PTPRQ: variants seen among roughly 807,000 people sequenced by gnomAD.
PTPRQ encodes the protein phosphatidylinositol phosphatase PTPRQ.
PTPRQ carries 199 observed loss-of-function variants against 246.0 expected under a neutral mutation model. That is an observed-to-expected ratio of 0.81 (90% CI 0.72 to 0.91). PTPRQ has a LOEUF of 0.91. Ranked by LOEUF, PTPRQ falls within the 40% of genes least tolerant of loss-of-function variation. The pLI is 0.00. For synonymous variants in PTPRQ, 869 were observed against 853.2 expected (o/e 1.02, Z -0.32); for missense variants, 2,624 against 2,528.4 (o/e 1.04, Z -0.81).
intron 23 of PTPRQ, among the ~76,000 whole-genome samples, chr12:80,544,486 T>C (rs1896246656): frequency 6.6e-6 from 1 of 152,170 alleles, no homozygotes; most frequent in African/African-American, 2.4e-5. Context: ...AAAAATACCA[T>C]CTTTATACCA....
chr12:80,588,018 G>A (rs1311204741), intron 25 of PTPRQ, 111 bp from the exon 26 acceptor site: 1 of 1,129,950 alleles, frequency 8.8e-7, no homozygotes, highest in Non-Finnish European at 1.2e-6. Flanking sequence ...AAGAGCTATA[G>A]TAATTTGACA....
chr12:80,468,537 A>C lies in PTPRQ; in HGVS notation c.911-173A>C, dbSNP rs190135327. ...TTTATCTGATGATCCAGCATGTGTTATTCACAATTTTCAATTATATTCCAT... is the reference window on the plus strand; with the variant it reads ...TTTATCTGATGATCCAGCATGTGTTCTTCACAATTTTCAATTATATTCCAT... On this transcript the variant is annotated intron_variant, in intron 6 of 44. Coordinates refer to ENST00000644991, the MANE Select transcript of PTPRQ (RefSeq NM_001145026.2). Among the ~76,000 whole-genome samples the C allele has an allele frequency of 3.2e-4, 49 of 152,332 alleles. No individual in the cohort carries two copies. In the East Asian group the frequency reaches 8.5e-3, roughly 26 times the overall value.
chr12:80,545,513 T>A (rs1020978547), intron 23 of PTPRQ, among the ~76,000 whole-genome samples: 1 of 152,030 alleles, frequency 6.6e-6, no homozygotes, highest in African/African-American at 2.4e-5. Flanking sequence ...TCCATGAGGA[T>A]AGCTGATTAA....
At chr12:80,668,026 C>T (rs1411736547) in intron 39 of PTPRQ, among the ~76,000 whole-genome samples, 1 of 151,856 alleles carries the variant, frequency 6.6e-6, no homozygotes, top group East Asian at 1.9e-4. Flanking sequence ...TTTAGAGTCC[C>T]TGGAAAATTT....
At position 80,613,813 on chromosome 12, in the gene PTPRQ, G is replaced by C. The variant is rs912447974; in HGVS notation, c.5140G>C (p.Gly1714Arg). 6.5e-7 allele frequency: 1 copy of C among 1,537,956 alleles called. No homozygotes were observed. The highest frequency in any genetic ancestry group is 1.4e-5 in the African/African-American group (1 of 72,140). The change falls in exon 29 of 45, where the codon GGT (glycine) becomes CGT (arginine). Residue 1714 changes from glycine to arginine, a missense_variant. Coordinates refer to ENST00000644991, the MANE Select transcript of PTPRQ (RefSeq NM_001145026.2). ...CATTGCAATGCTAGAAGGACTAAAA[G>C]GTGGACATACATACAATATCAGTGT... ...FVIAMLEGLK[G>R]GHTYNISVYA...
chr12:80,654,763 G>A (rs140875886), intron 38 of PTPRQ, among the ~76,000 whole-genome samples: 1,709 of 151,914 alleles, frequency 0.011, 29 homozygotes, highest in African/African-American at 0.039. Context: ...GAGAGGCTGA[G>A]GCAGGAGACT....
At chr12:80,610,774 A>T in intron 28 of PTPRQ, 149 bp downstream of exon 28, 1 of 907,686 alleles carries the variant, frequency 1.1e-6, no homozygotes, top group South Asian at 2.3e-5. Context: ...TGCAACTGAC[A>T]AAAAGGAAGA....
intron 32 of PTPRQ, among the ~76,000 whole-genome samples, chr12:80,621,197 C>G (rs1050352064): frequency 6.6e-6 from 1 of 151,816 alleles, no homozygotes; most frequent in African/African-American, 2.4e-5. Context: ...TTTATCATCT[C>G]TATTAAATGC....
chr12:80,532,517 G>A (rs1009961814), intron 17 of PTPRQ, among the ~76,000 whole-genome samples: 3 of 152,082 alleles, frequency 2.0e-5, no homozygotes, highest in Middle Eastern at 3.2e-3. Context: ...CACCACACTC[G>A]TCTTAATTGC....
At chr12:80,611,426 A>G (rs1460664299) in intron 28 of PTPRQ, among the ~76,000 whole-genome samples, 1 of 150,264 alleles carries the variant, frequency 6.7e-6, no homozygotes, top group Non-Finnish European at 1.5e-5. Context: ...TTCTCTATGC[A>G]TTTTGTCTGT....
chr12:80,553,726 AG>A (rs1191477010), intron 25 of PTPRQ, among the ~76,000 whole-genome samples: 2 of 152,188 alleles, frequency 1.3e-5, no homozygotes, highest in African/African-American at 4.8e-5. Flanking sequence ...ATGTTGGAAC[AG>A]GGCAGTAAAG....
intron 5 of PTPRQ, 139 bp downstream of exon 5, chr12:80,459,622 C>T (rs144040680): frequency 4.6e-5 from 18 of 394,034 alleles, no homozygotes; most frequent in Middle Eastern, 1.3e-3. Context: ...TTATACACAA[C>T]GTTTTATTAT....
rs551968579 is a variant in PTPRQ, at chr12:80,495,211, T to C, written c.1722T>C (p.Ile574=). Residue 574 remains isoleucine (I), a synonymous_variant, in exon 12 of 45, where the codon ATT becomes ATC. Coordinates refer to ENST00000644991, the MANE Select transcript of PTPRQ (RefSeq NM_001145026.2). ...TTTAAGTGCCAAGCTCCATTAAAAT[T>C]ATAAACTATAAAAATATTAGTTCTT... is the stretch of plus-strand genomic sequence containing the variant. ...TRQQVPSSIK[I]INYKNISSSS... 1.5e-5 allele frequency: 23 copies of C among 1,539,734 alleles called. No individual in the cohort carries two copies. The highest frequency in any genetic ancestry group is 1.8e-5 in the Non-Finnish European group (21 of 1,143,202).
At chr12:80,612,404 C>CA (rs1282763636) in intron 28 of PTPRQ, among the ~76,000 whole-genome samples, 3 of 150,164 alleles carry the variant, frequency 2.0e-5, no homozygotes, top group Admixed American at 1.3e-4. Flanking sequence ...AACAAACAAA[C>CA]AAAAAATGAC....
chr12:80,452,345 G>A (rs1357991518), intron 3 of PTPRQ, among the ~76,000 whole-genome samples: 1 of 151,780 alleles, frequency 6.6e-6, no homozygotes, highest in African/African-American at 2.4e-5. Flanking sequence ...CTTTTAATTG[G>A]AGCATTTAGT....
At chr12:80,495,441 C>T in intron 12 of PTPRQ, 70 bp downstream of exon 12, 2 of 1,456,724 alleles carry the variant, frequency 1.4e-6, no homozygotes, top group Non-Finnish European at 1.8e-6. Context: ...AAAATATGCC[C>T]ATCTCCCTGT....
At chr12:80,558,178 T>TTTTCTTTTCTTTTCTTTTCTTTTC in intron 25 of PTPRQ, among the ~76,000 whole-genome samples, 2 of 147,378 alleles carry the variant, frequency 1.4e-5, no homozygotes, top group Non-Finnish European at 3.0e-5. Context: ...CTTTCTTTTC[T>TTTTCTTTTCTTTTCTTTTCTTTTC]TTTCTTTTTG....
At chr12:80,630,367 T>C (rs1228466012) in intron 33 of PTPRQ, among the ~76,000 whole-genome samples, 1 of 152,172 alleles carries the variant, frequency 6.6e-6, no homozygotes, top group Non-Finnish European at 1.5e-5. Context: ...TCCACCACTT[T>C]CTTATAAATT....
chr12:80,446,086 C>T (rs1249701026), intron 3 of PTPRQ, among the ~76,000 whole-genome samples: 2 of 151,772 alleles, frequency 1.3e-5, no homozygotes, highest in East Asian at 3.9e-4. Context: ...GTATGTAAAC[C>T]ACAGGATGTT....
Sources: allele counts gnomAD v4.1 joint callset (sites outside exome capture counted in the v4.1 genomes callset), GRCh38; gene constraint gnomAD v4.1.1; transcripts MANE v1.5; gene names NCBI Gene and HGNC (gene_info 2026-07-23, HGNC 2026-07-21).